Variants in PVALB observed in about 807,000 individuals in gnomAD.
PVALB encodes parvalbumin.
Under a neutral mutation model 10.9 loss-of-function variants are expected in PVALB, and 11 were observed. The ratio of observed to expected loss-of-function variants is 1.01; its 90% CI spans 0.63 to 1.67. The LOEUF (loss-of-function observed/expected upper bound fraction) is 1.67, where lower values mean the gene tolerates loss of function less well. PVALB is among the 40% of genes most tolerant of loss of function. The pLI is 0.00. For synonymous variants in PVALB, 57 were observed against 50.7 expected (o/e 1.12, Z -0.53); for missense variants, 131 against 136.2 (o/e 0.96, Z 0.19).
chr22:36,814,157 G>A (rs972806826), intron 2 of PVALB, among the ~76,000 whole-genome samples: 3 of 152,300 alleles, frequency 2.0e-5, no homozygotes, highest in Admixed American at 6.5e-5. Flanking sequence ...GTGATGGGCC[G>A]TGGAGGAGGG....
chr22:36,808,431 G>A (rs957614234), intron 3 of PVALB, among the ~76,000 whole-genome samples: 3 of 152,120 alleles, frequency 2.0e-5, no homozygotes. Context: ...CTGGACCACC[G>A]AGCCTCAGTT....
chr22:36,805,488 T>C (rs1316293483), intron 3 of PVALB, among the ~76,000 whole-genome samples: 4 of 152,210 alleles, frequency 2.6e-5, no homozygotes, highest in Non-Finnish European at 5.9e-5. Flanking sequence ...TTTGTTAGCA[T>C]CATCGTTGTT....
chr22:36,814,700 G>T (rs967940126), intron 2 of PVALB, among the ~76,000 whole-genome samples: 1 of 152,148 alleles, frequency 6.6e-6, no homozygotes, highest in African/African-American at 2.4e-5. Flanking sequence ...CAGAGGGCTG[G>T]GGGCTGCAGG....
At chr22:36,817,113 G>T, upstream of PVALB, 1 of 1,042,064 alleles carries the variant, frequency 9.6e-7, no homozygotes, top group Non-Finnish European at 1.3e-6. Flanking sequence ...CCGGGCGCAC[G>T]CCCGCCGGGC....
At chr22:36,815,082 C>A in intron 2 of PVALB, 21 bp downstream of exon 2, 1 of 1,613,656 alleles carries the variant, frequency 6.2e-7, no homozygotes, top group Non-Finnish European at 8.5e-7. Flanking sequence ...GGCTGGGCAG[C>A]CCCTGCAGGC....
At chr22:36,815,048 C>T in intron 2 of PVALB, 55 bp downstream of exon 2, 1 of 1,605,438 alleles carries the variant, frequency 6.2e-7, no homozygotes, top group Non-Finnish European at 8.5e-7. Flanking sequence ...AGTCCCAGCC[C>T]CCACTCCCTC....
At chr22:36,801,040 C>G in intron 3 of PVALB, 122 bp from the exon 4 acceptor site, 1 of 900,822 alleles carries the variant, frequency 1.1e-6, no homozygotes, top group Non-Finnish European at 1.8e-6. Context: ...TGCAGCAGCC[C>G]CAGAGCGTAA....
At chr22:36,810,685 A>C (rs1048273394) in intron 3 of PVALB, among the ~76,000 whole-genome samples, 1 of 152,208 alleles carries the variant, frequency 6.6e-6, no homozygotes, top group Admixed American at 6.5e-5. Context: ...CCCAAGGTCA[A>C]ATGAGGTAAC....
At chr22:36,802,052 C>G (rs1264079477) in intron 3 of PVALB, among the ~76,000 whole-genome samples, 1 of 152,132 alleles carries the variant, frequency 6.6e-6, no homozygotes, top group Non-Finnish European at 1.5e-5. Flanking sequence ...GTATCTGAGA[C>G]TCATTTGAGG....
intron 3 of PVALB, among the ~76,000 whole-genome samples, chr22:36,802,000 T>TA (rs1938872440): frequency 6.6e-6 from 1 of 151,996 alleles, no homozygotes; most frequent in East Asian, 1.9e-4. Flanking sequence ...GTGAGACAAA[T>TA]AAAAAACTGG....
intron 3 of PVALB, among the ~76,000 whole-genome samples, chr22:36,809,882 G>A (rs868655841): frequency 3.6e-4 from 36 of 100,676 alleles, no homozygotes; most frequent in South Asian, 1.4e-3. Flanking sequence ...TTGGTTTTTC[G>A]TTTTGTTTTG....
At chr22:36,802,162 T>C (rs1329577845) in intron 3 of PVALB, among the ~76,000 whole-genome samples, 1 of 152,164 alleles carries the variant, frequency 6.6e-6, no homozygotes, top group Non-Finnish European at 1.5e-5. Context: ...ATGTAAAATA[T>C]TAACATCGGG....
chr22:36,815,199 A>G lies in PVALB; in HGVS notation c.98T>C (p.Met33Thr), dbSNP rs757069068. Reference sequence around the variant, plus strand: ...CGCACTCTTTTTCTTCAGGCCGACCATTTGGAAGAACTTTTTGTGGTCGAA... The same window carrying G: ...CGCACTCTTTTTCTTCAGGCCGACCGTTTGGAAGAACTTTTTGTGGTCGAA... ...DSFDHKKFFQ[M>T]VGLKKKSADD... Residue 33 changes from methionine to threonine, a missense_variant, in exon 2 of 4, where the codon ATG becomes ACG. By Grantham distance (81) the Met-to-Thr change is moderately conservative (BLOSUM62 -1). Transcript: ENST00000417718. 1.9e-6 allele frequency: 3 copies of G among 1,614,178 alleles called. No individual in the cohort carries two copies. Among genetic ancestry groups the G allele is most frequent in the Non-Finnish European group, 2.5e-6 (3 of 1,180,016 alleles).
At chr22:36,809,742 G>A (rs554977113) in intron 3 of PVALB, among the ~76,000 whole-genome samples, 1 of 152,144 alleles carries the variant, frequency 6.6e-6, no homozygotes, top group East Asian at 1.9e-4. Flanking sequence ...ACGCAGCTGA[G>A]CCAAAATAGT....
intron 3 of PVALB, among the ~76,000 whole-genome samples, chr22:36,801,970 G>C (rs1020624355): frequency 6.6e-6 from 1 of 152,090 alleles, no homozygotes; most frequent in African/African-American, 2.4e-5. Context: ...TGAAGAGAGG[G>C]GCCAGTAATA....
At chr22:36,805,406 A>G (rs12171125) in intron 3 of PVALB, among the ~76,000 whole-genome samples, 31,607 of 152,136 alleles carry the variant, frequency 0.21, 3,885 homozygotes, top group African/African-American at 0.34. Context: ...AAGCCACTTT[A>G]AAACCAAGCC....
At chr22:36,813,620 C>T in intron 3 of PVALB, 26 bp downstream of exon 3, 1 of 1,567,960 alleles carries the variant, frequency 6.4e-7, no homozygotes, top group Non-Finnish European at 8.8e-7. Context: ...CACAATATGC[C>T]CAGACCCCAG....
chr22:36,812,705 G>C (rs978749336), intron 3 of PVALB, among the ~76,000 whole-genome samples: 1 of 152,214 alleles, frequency 6.6e-6, no homozygotes, highest in African/African-American at 2.4e-5. Context: ...CCTACACACA[G>C]TTTTCTCTGA....
chr22:36,817,089 T>A, upstream of PVALB: 1 of 1,305,094 alleles, frequency 7.7e-7, no homozygotes, highest in Non-Finnish European at 1.0e-6. Context: ...TGACCAGCGC[T>A]GCAGTGCTGC....
Sources: gnomAD v4.1 joint callset for allele counts (sites outside exome capture counted in the v4.1 genomes callset) on GRCh38, gnomAD v4.1.1 for gene constraint, MANE v1.5 for transcripts, NCBI Gene and HGNC (gene_info 2026-07-23, HGNC 2026-07-21) for gene names.